The following NTNG2 variants were observed in gnomAD, a reference collection of about 807,000 sequenced individuals.
NTNG2 encodes the protein netrin-G2.
Under a neutral mutation model 47.6 loss-of-function variants are expected in NTNG2, and 15 were observed. The ratio of observed to expected loss-of-function variants is 0.32; its 90% confidence interval spans 0.21 to 0.49. The LOEUF (loss-of-function observed/expected upper bound fraction) is 0.49. NTNG2 is among the 20% of genes least tolerant of loss of function. The pLI is 0.99. For synonymous variants in NTNG2, 307 were observed against 324.6 expected, an observed-to-expected ratio of 0.95 and a Z score of 0.58; for missense variants, 578 against 764.6, an observed-to-expected ratio of 0.76 and a Z score of 2.88.
intron 7 of NTNG2, 87 bp from the exon 8 acceptor site, chr9:132,241,789 G>A (rs1842004129): frequency 1.0e-6 from 1 of 998,890 alleles, no homozygotes; most frequent in Non-Finnish European, 1.4e-6. Flanking sequence ...GCGCCCCCGG[G>A]ATCTCGCACA....
chr9:132,198,440 A>C lies in NTNG2; in HGVS notation c.688A>C (p.Met230Leu), dbSNP rs1161914705. The C allele has an allele frequency of 1.9e-6, 3 of 1,612,948 alleles. No individual in the cohort carries two copies. In the Admixed American group the frequency reaches 5.0e-5, roughly 27 times the overall value. Reference protein sequence around the residue: ...AIFAGPDLRNMDNLYTRLESA... With the variant: ...AIFAGPDLRNLDNLYTRLESA... The stretch of plus-strand genomic sequence containing the variant: ...CTTTGCCGGCCCCGACCTGCGCAAC[A>C]TGGACAACCTCTACACGCGGCTGGA... Residue 230 changes from methionine to leucine, a missense_variant, in exon 3 of 8, where the codon ATG becomes CTG. Transcript: ENST00000393229.
chr9:132,185,876 G>GGGA (rs894207036), intron 2 of NTNG2, among the ~76,000 whole-genome samples: 1 of 147,106 alleles, frequency 6.8e-6, no homozygotes, highest in Non-Finnish European at 1.5e-5. Context: ...GAGGAGGAGT[G>GGGA]GGAGGAGGAG....
intron 4 of NTNG2, among the ~76,000 whole-genome samples, chr9:132,230,320 T>A (rs1017611936): frequency 6.6e-6 from 1 of 152,198 alleles, no homozygotes; most frequent in African/African-American, 2.4e-5. Context: ...AGATTCAGTG[T>A]CTCCTTCTGC....
At position 132,182,577 on chromosome 9, in the gene NTNG2, C is replaced by T. The variant is rs567437832; in HGVS notation, c.214-15389C>T. On this transcript the variant is annotated intron_variant, in intron 2 of 7. Coordinates refer to ENST00000393229, the MANE Select transcript of NTNG2 (RefSeq NM_032536.4). This position sits in a 1 kb window ranked among gnomAD's most constrained non-coding sequence, Gnocchi z 4.2. ...CAGCCACGACCTTGGGTGGACGCTG[C>T]GCCTCATCAGCCCTGACTAGCCGTG... is the stretch of plus-strand genomic sequence containing the variant. Among the ~76,000 whole-genome samples the T allele has an allele frequency of 3.3e-5, 5 of 152,328 alleles. No homozygotes were observed. In the South Asian group the frequency reaches 6.2e-4, roughly 19 times the overall value.
At chr9:132,227,045 C>G in intron 4 of NTNG2, 24 bp downstream of exon 4, 1 of 1,569,624 alleles carries the variant, frequency 6.4e-7, no homozygotes, top group East Asian at 2.3e-5. Flanking sequence ...CCCGGGGCCA[C>G]GAGCCCACAT....
intron 2 of NTNG2, among the ~76,000 whole-genome samples, chr9:132,189,064 C>CTTTTTTTTTTTTTTTTTT (rs1179386814): frequency 1.6e-5 from 1 of 61,754 alleles, no homozygotes; most frequent in Admixed American, 1.4e-4. Flanking sequence ...GGCTTTAAGC[C>CTTTTTTTTTTTTTTTTTT]TTTCTTTTTT....
chr9:132,164,074 C>A (rs974232451), intron 1 of NTNG2, among the ~76,000 whole-genome samples: 1 of 152,172 alleles, frequency 6.6e-6, no homozygotes, highest in Admixed American at 6.5e-5. Flanking sequence ...TCTCTTCCCC[C>A]TTCTCTTTTT....
chr9:132,164,323 C>T (rs1369283008), intron 1 of NTNG2, among the ~76,000 whole-genome samples: 2 of 152,126 alleles, frequency 1.3e-5, no homozygotes, highest in African/African-American at 2.4e-5. Context: ...CCCAGCCTCC[C>T]GGCCTCCGGG....
chr9:132,204,374 A>G (rs1839008372), intron 3 of NTNG2, among the ~76,000 whole-genome samples: 1 of 151,970 alleles, frequency 6.6e-6, no homozygotes, highest in Non-Finnish European at 1.5e-5. Context: ...GTCCCTATTG[A>G]TCGCCCCGTA....
intron 4 of NTNG2, among the ~76,000 whole-genome samples, chr9:132,230,067 G>A (rs575755857): frequency 7.2e-5 from 11 of 152,350 alleles, no homozygotes; most frequent in East Asian, 3.9e-4. Context: ...CACGATTTAC[G>A]CAGGGGATGC....
rs1491423706 is a variant in NTNG2 at position 132,162,567 on chromosome 9, A to AGTGTGTGTGT, written c.-484+329_-484+330insTGTGTGTGTG. ...GTGTGTGTGTGTGTGAGAGAGAGAC[A>AGTGTGTGTGT]GAGTGTGTGTGTGTGTGTGTGTGTG... is the stretch of plus-strand genomic sequence containing the variant. On this transcript the variant is annotated intron_variant, in intron 1 of 7. Coordinates refer to ENST00000393229, the MANE Select transcript of NTNG2 (RefSeq NM_032536.4). This position sits in a 1 kb window ranked among gnomAD's most constrained non-coding sequence, Gnocchi z 4.6. 8.8e-5 allele frequency among the ~76,000 whole-genome samples: 9 copies of AGTGTGTGTGT among 101,772 alleles called. No individual in the cohort carries two copies. Among genetic ancestry groups the AGTGTGTGTGT allele is most frequent in the African/African-American group, 2.9e-4 (8 of 27,504 alleles). 66.8% of individuals were successfully genotyped at this position (101,772 alleles called of 152,430 possible).
intron 2 of NTNG2, among the ~76,000 whole-genome samples, chr9:132,178,274 A>T (rs1156240125): frequency 6.6e-6 from 1 of 151,572 alleles, no homozygotes; most frequent in African/African-American, 2.4e-5. Context: ...TTGGAAGGAG[A>T]TGCTGTGACT....
At chr9:132,187,314 A>G (rs1032866125) in intron 2 of NTNG2, among the ~76,000 whole-genome samples, 3 of 152,206 alleles carry the variant, frequency 2.0e-5, no homozygotes, top group African/African-American at 7.2e-5. Flanking sequence ...CCAGAAAACA[A>G]AACAGAAAAG....
In NTNG2 at chr9:132,239,640, T is replaced by TGG. The variant is rs140142808; in HGVS notation, c.1222+375_1222+376dup. On this transcript the variant is annotated intron_variant, in intron 6 of 7. Coordinates refer to ENST00000393229, the MANE Select transcript of NTNG2 (RefSeq NM_032536.4). Reference sequence around the variant, plus strand: ...TGAGCATCTGTCTGGGGCTGGTGTGTGGGGGGGTCCCCCTCCATAGCTCCT... The same window carrying TGG: ...TGAGCATCTGTCTGGGGCTGGTGTGTGGGGGGGGGTCCCCCTCCATAGCTCCT... Among the ~76,000 whole-genome samples, 11 of 152,174 alleles carry TGG rather than the reference T, an allele frequency of 7.2e-5. No individual in the cohort carries two copies. The East Asian group carries it at 7.7e-4, about 11-fold the overall frequency.
chr9:132,206,068 A>G (rs1839144526), intron 3 of NTNG2, among the ~76,000 whole-genome samples: 1 of 152,224 alleles, frequency 6.6e-6, no homozygotes, highest in African/African-American at 2.4e-5. Context: ...AATGGAGACA[A>G]TCACCCTGGA....
At chr9:132,169,783 C>A (rs1165035812) in intron 2 of NTNG2, among the ~76,000 whole-genome samples, 1 of 152,252 alleles carries the variant, frequency 6.6e-6, no homozygotes, top group Non-Finnish European at 1.5e-5. Flanking sequence ...GTGTGCAATA[C>A]TAGTCACCAG....
intron 2 of NTNG2, among the ~76,000 whole-genome samples, chr9:132,170,938 A>G (rs1449876854): frequency 1.3e-5 from 2 of 152,076 alleles, no homozygotes; most frequent in Non-Finnish European, 1.5e-5. Flanking sequence ...CCTGCCGTTG[A>G]CGAAGGGGCC....
At position 132,163,613 on chromosome 9, in the gene NTNG2, C is replaced by A. The variant is rs916352052; in HGVS notation, c.-484+1374C>A. Among the ~76,000 whole-genome samples, 3 of 152,062 alleles carry A rather than the reference C, an allele frequency of 2.0e-5. No individual in the cohort carries two copies. The highest frequency in any genetic ancestry group is 6.5e-5 in the Admixed American group (1 of 15,288). ...CCTGCCGAGGAGGGAGAGGGAACCC[C>A]GGGGTGGGCTGAGTATCCCCCCTAG... On this transcript the variant is annotated intron_variant, in intron 1 of 7. Coordinates refer to ENST00000393229, the MANE Select transcript of NTNG2 (RefSeq NM_032536.4). The surrounding 1 kb of genome is among the most constrained non-coding windows in gnomAD (Gnocchi z 7.2).
intron 2 of NTNG2, among the ~76,000 whole-genome samples, chr9:132,193,184 T>C (rs1313019980): frequency 6.6e-6 from 1 of 152,146 alleles, no homozygotes; most frequent in Non-Finnish European, 1.5e-5. Flanking sequence ...GGCTCAGCAG[T>C]TGGGGATGAC....
Sources: allele counts gnomAD v4.1 joint callset (sites outside exome capture counted in the v4.1 genomes callset), GRCh38; gene constraint gnomAD v4.1.1; non-coding constraint Gnocchi (gnomAD v3.1); transcripts MANE v1.5; gene names NCBI Gene and HGNC (gene_info 2026-07-23, HGNC 2026-07-21).